FRAS1: variants seen among roughly 807,000 people sequenced by gnomAD.
FRAS1 encodes Fraser extracellular matrix complex subunit 1, also known as extracellular matrix organizing protein FRAS1.
FRAS1 carries 290 observed loss-of-function variants against 435.2 expected under a neutral mutation model. The observed-to-expected ratio is 0.67, with a 90% CI of 0.61 to 0.73. The LOEUF (loss-of-function observed/expected upper bound fraction) is 0.73, where lower values mean the gene tolerates loss of function less well. Ranked by LOEUF, FRAS1 falls within the 30% of genes least tolerant of loss-of-function variation. The pLI, the probability that FRAS1 is intolerant of heterozygous loss-of-function variation, is 0.00. For synonymous variants in FRAS1, 1,800 were observed against 1,851.0 expected, an observed-to-expected ratio of 0.97 and a Z score of 0.71; for missense variants, 4,860 against 5,001.5, an observed-to-expected ratio of 0.97 and a Z score of 0.85.
chr4:78,475,575 G>A lies in FRAS1; in HGVS notation c.7820G>A (p.Gly2607Glu), dbSNP rs1440019543. 1.9e-6 allele frequency: 3 copies of A among 1,612,830 alleles called. No individual in the cohort carries two copies. The highest frequency in any genetic ancestry group is 1.7e-6 in the Non-Finnish European group (2 of 1,179,220). The change falls in exon 54 of 74, where the codon GGG (glycine) becomes GAG (glutamate). Residue 2607 changes from glycine (G) to glutamate (E), a missense_variant. Gly to Glu is a moderately conservative substitution (Grantham distance 98). Transcript: ENST00000512123. ...SSSSRVSSQP[G>E]QQDYVEYAGQ... ...AGCTCCAGGGTCAGCTCCCAACCTG[G>A]GCAACAGGACTATGTAGAGTATGCT...
chr4:78,482,210 A>G (rs1720032055), intron 57 of FRAS1, among the ~76,000 whole-genome samples, 178 bp from the exon 58 acceptor site: 2 of 152,246 alleles, frequency 1.3e-5, no homozygotes, highest in Admixed American at 6.5e-5. Context: ...CTCATTTGAT[A>G]TAAACATCTA....
At chr4:78,097,121 CA>C (rs1251330823) in intron 2 of FRAS1, among the ~76,000 whole-genome samples, 3 of 152,170 alleles carry the variant, frequency 2.0e-5, no homozygotes, top group Admixed American at 6.6e-5. Flanking sequence ...ATCTCTAGGG[CA>C]AGGGCAAAAT....
intron 2 of FRAS1, among the ~76,000 whole-genome samples, chr4:78,138,281 T>A (rs1311326468): frequency 6.6e-6 from 1 of 152,148 alleles, no homozygotes; most frequent in Non-Finnish European, 1.5e-5. Flanking sequence ...TTCACCCAAA[T>A]GTGGAGCTTA....
chr4:78,112,045 T>C (rs999930482), intron 2 of FRAS1, among the ~76,000 whole-genome samples: 1 of 152,174 alleles, frequency 6.6e-6, no homozygotes, highest in African/African-American at 2.4e-5. Flanking sequence ...TTTTGTACTG[T>C]ATTGACAATT....
At chr4:78,206,899 G>A (rs1480423893) in intron 2 of FRAS1, among the ~76,000 whole-genome samples, 8 of 152,192 alleles carry the variant, frequency 5.3e-5, no homozygotes, top group South Asian at 2.1e-4. Flanking sequence ...TTGTGGAAAT[G>A]GTTCCACCCT....
chr4:78,113,321 A>G (rs1742876351), intron 2 of FRAS1, among the ~76,000 whole-genome samples: 1 of 152,230 alleles, frequency 6.6e-6, no homozygotes, highest in Non-Finnish European at 1.5e-5. Flanking sequence ...AGCATGATTT[A>G]TAATCCTTTG....
At chr4:78,448,480 C>T (rs1343363679) in intron 44 of FRAS1, among the ~76,000 whole-genome samples, 164 bp downstream of exon 44, 1 of 152,106 alleles carries the variant, frequency 6.6e-6, no homozygotes, top group Non-Finnish European at 1.5e-5. Flanking sequence ...TTTTGGGATA[C>T]TAAGAATTGT....
intron 31 of FRAS1, among the ~76,000 whole-genome samples, 191 bp from the exon 32 acceptor site, chr4:78,412,778 C>G (rs1477652215): frequency 6.6e-6 from 1 of 151,846 alleles, no homozygotes; most frequent in African/African-American, 2.4e-5. Context: ...AAAATGAAAT[C>G]AGTAAAAGAT....
chr4:78,517,075 A>G (rs1393123163), intron 66 of FRAS1, among the ~76,000 whole-genome samples: 1 of 152,250 alleles, frequency 6.6e-6, no homozygotes, highest in African/African-American at 2.4e-5. Flanking sequence ...TCAATGAGCT[A>G]AAAACTAGTT....
chr4:78,228,107 A>G (rs1200202464), intron 2 of FRAS1, among the ~76,000 whole-genome samples: 1 of 152,234 alleles, frequency 6.6e-6, no homozygotes, highest in Non-Finnish European at 1.5e-5. Flanking sequence ...AAGAAAATAA[A>G]TAATTTTAAT....
intron 61 of FRAS1, among the ~76,000 whole-genome samples, chr4:78,502,131 T>C (rs9998729): frequency 0.33 from 50,020 of 152,104 alleles, 8,956 homozygotes; most frequent in South Asian, 0.52. Flanking sequence ...CCATGTAGTA[T>C]AGTTTGAAGT....
At chr4:78,088,368 G>A (rs1326515057) in intron 2 of FRAS1, among the ~76,000 whole-genome samples, 14 of 152,094 alleles carry the variant, frequency 9.2e-5, no homozygotes, top group South Asian at 4.2e-4. Flanking sequence ...ATAGGCATGG[G>A]CAAGGACTTC....
intron 14 of FRAS1, among the ~76,000 whole-genome samples, chr4:78,294,897 AAGTC>A (rs1157911583): frequency 1.3e-5 from 2 of 152,196 alleles, no homozygotes; most frequent in Non-Finnish European, 2.9e-5. Flanking sequence ...GTATAATAAA[AAGTC>A]AGCTAAAATT....
intron 47 of FRAS1, among the ~76,000 whole-genome samples, chr4:78,456,861 C>T (rs1339714640): frequency 1.3e-5 from 2 of 152,156 alleles, no homozygotes; most frequent in Non-Finnish European, 2.9e-5. Context: ...TGAATCCTTG[C>T]TCTTAGTTTT....
At chr4:78,294,124 C>G (rs1327832683) in intron 14 of FRAS1, among the ~76,000 whole-genome samples, 1 of 152,156 alleles carries the variant, frequency 6.6e-6, no homozygotes, top group Non-Finnish European at 1.5e-5. Context: ...CATTCCCCAC[C>G]CAAGCACTGT....
intron 46 of FRAS1, 49 bp from the exon 47 acceptor site, chr4:78,452,126 A>G (rs772453746): frequency 1.3e-6 from 2 of 1,577,516 alleles, no homozygotes; most frequent in African/African-American, 1.4e-5. Flanking sequence ...AATTAAAGAA[A>G]GGAGGCTGAG....
chr4:78,077,368 T>C (rs1018506820), intron 2 of FRAS1, among the ~76,000 whole-genome samples: 19 of 152,198 alleles, frequency 1.2e-4, no homozygotes, highest in African/African-American at 4.3e-4. Context: ...AGACCCTGTC[T>C]CAAAAAACAA....
chr4:78,369,608 A>G (rs1364144275), intron 22 of FRAS1, among the ~76,000 whole-genome samples: 1 of 149,158 alleles, frequency 6.7e-6, no homozygotes. Context: ...TGGGATTTCC[A>G]TTATTGGGTT....
At chr4:78,314,115 T>G (rs2110230027) in intron 15 of FRAS1, among the ~76,000 whole-genome samples, 1 of 152,328 alleles carries the variant, frequency 6.6e-6, no homozygotes, top group South Asian at 2.1e-4. Flanking sequence ...CTTCTTCTTT[T>G]CTTAAATGCT....
Sources: allele counts gnomAD v4.1 joint callset (sites outside exome capture counted in the v4.1 genomes callset), GRCh38; gene constraint gnomAD v4.1.1; transcripts MANE v1.5; gene names NCBI Gene and HGNC (gene_info 2026-07-23, HGNC 2026-07-21).